Variants in PAPSS1 observed in about 807,000 individuals in gnomAD.
PAPSS1 encodes 3'-phosphoadenosine 5'-phosphosulfate synthase 1, also known as bifunctional 3'-phosphoadenosine 5'-phosphosulfate synthase 1.
In PAPSS1, 50 loss-of-function variants were observed where a neutral mutation model predicts 72.0. The observed-to-expected ratio is 0.69, with a 90% CI of 0.55 to 0.88. The LOEUF (loss-of-function observed/expected upper bound fraction) is 0.88, where lower values mean the gene tolerates loss of function less well. PAPSS1 is among the 40% of genes least tolerant of loss of function. PAPSS1 has a pLI of 0.00. For synonymous variants in PAPSS1, 261 were observed against 263.6 expected, an observed-to-expected ratio of 0.99 and a Z score of 0.09; for missense variants, 657 against 782.2, an observed-to-expected ratio of 0.84 and a Z score of 1.91.
In PAPSS1 at chr4:107,691,645, A is replaced by G. The variant is rs560711372; in HGVS notation, c.411+2126T>C. On this transcript the variant is annotated intron_variant, in intron 3 of 11. Transcript: ENST00000265174. The stretch of plus-strand genomic sequence containing the variant: ...TGGAGGCAGCATAGCATCTAAGCCC[A>G]GGAGACGCACTGTCTGGATGCAAAC... 9.8e-5 allele frequency among the ~76,000 whole-genome samples: 15 copies of G among 152,326 alleles called. 1 individual carries two copies. Among genetic ancestry groups the G allele is most frequent in the Admixed American group, 9.8e-4 (15 of 15,304 alleles).
At chr4:107,659,582 T>A (rs77000284) in intron 6 of PAPSS1, among the ~76,000 whole-genome samples, 1,541 of 151,950 alleles carry the variant, frequency 0.01, 29 homozygotes, top group African/African-American at 0.034. Context: ...ACAGAGAGAG[T>A]CAAGTTTTGG....
chr4:107,694,266 G>T (rs567908697), intron 2 of PAPSS1: 3 of 397,182 alleles, frequency 7.6e-6, no homozygotes, highest in Non-Finnish European at 1.4e-5. Flanking sequence ...AATATGTTGC[G>T]CCAGCTGGTC....
chr4:107,627,763 G>A (rs1328041241), intron 11 of PAPSS1, among the ~76,000 whole-genome samples: 2 of 151,664 alleles, frequency 1.3e-5, no homozygotes, highest in South Asian at 2.1e-4. Flanking sequence ...CATCCTTTTG[G>A]TAGAAAAGGT....
chr4:107,666,917 C>T (rs1443824166), intron 5 of PAPSS1, among the ~76,000 whole-genome samples: 1 of 152,110 alleles, frequency 6.6e-6, no homozygotes, highest in African/African-American at 2.4e-5. Context: ...GCACAGAGCT[C>T]CTAACACCCT....
chr4:107,640,893 G>A (rs576223218), intron 10 of PAPSS1, among the ~76,000 whole-genome samples: 1 of 152,274 alleles, frequency 6.6e-6, no homozygotes, highest in South Asian at 2.1e-4. Context: ...GCTTTAACGT[G>A]CCTCTTAGTC....
intron 5 of PAPSS1, among the ~76,000 whole-genome samples, chr4:107,675,606 C>T (rs1161328190): frequency 6.6e-6 from 1 of 152,150 alleles, no homozygotes; most frequent in Non-Finnish European, 1.5e-5. Flanking sequence ...ACCAGAGGTA[C>T]AAGGAGGAGC....
rs149672386 is a variant in PAPSS1 at position 107,693,906 on chromosome 4, A to G, written c.276T>C (p.Arg92=). Residue 92 remains arginine (R), a synonymous_variant, in exon 3 of 12, where the codon CGT becomes CGC. Coordinates refer to ENST00000265174, the MANE Select transcript of PAPSS1 (RefSeq NM_005443.5). The part of the protein sequence containing the change: ...PCYTLDGDNI[R]QGLNKNLGFS... Reference sequence around the variant, plus strand: ...AGCCAAGATTTTTATTGAGACCTTGACGAATATTGTCACCATCCAGAGTGT... The same window carrying G: ...AGCCAAGATTTTTATTGAGACCTTGGCGAATATTGTCACCATCCAGAGTGT... 1.2e-6 allele frequency: 2 copies of G among 1,613,820 alleles called. No individual in the cohort carries two copies. The highest frequency in any genetic ancestry group is 3.3e-5 in the Admixed American group (2 of 59,960).
chr4:107,684,622 A>G (rs1722725164), intron 4 of PAPSS1, among the ~76,000 whole-genome samples: 1 of 152,160 alleles, frequency 6.6e-6, no homozygotes, highest in African/African-American at 2.4e-5. Context: ...TCTTAACCTG[A>G]ACAATTCCCT....
At chr4:107,616,101 T>A (rs28436000) in intron 11 of PAPSS1, among the ~76,000 whole-genome samples, 35,488 of 149,562 alleles carry the variant, frequency 0.24, 4,734 homozygotes, top group Middle Eastern at 0.32. Context: ...AGAGAGAGAG[T>A]GTGTGTGCAC....
chr4:107,663,733 A>C (rs1238589724), intron 5 of PAPSS1, among the ~76,000 whole-genome samples: 2 of 152,216 alleles, frequency 1.3e-5, no homozygotes, highest in East Asian at 3.8e-4. Context: ...CTCTGCATGT[A>C]TCAACTCATA....
chr4:107,625,903 C>T (rs184127605), intron 11 of PAPSS1, among the ~76,000 whole-genome samples: 47 of 152,102 alleles, frequency 3.1e-4, no homozygotes, highest in South Asian at 8.3e-4. Context: ...TACTCTGGGC[C>T]GGGCGCGGTG....
intron 11 of PAPSS1, among the ~76,000 whole-genome samples, chr4:107,620,711 A>G (rs948953108): frequency 6.6e-6 from 1 of 152,174 alleles, no homozygotes; most frequent in African/African-American, 2.4e-5. Flanking sequence ...CTCCAGAACA[A>G]AGAATTATCT....
chr4:107,634,077 G>A (rs1157719839), intron 10 of PAPSS1, among the ~76,000 whole-genome samples: 2 of 152,022 alleles, frequency 1.3e-5, no homozygotes, highest in Non-Finnish European at 2.9e-5. Flanking sequence ...GAGTGCAGTG[G>A]TGCAAAAATG....
At chr4:107,661,781 A>AT (rs1333834232) in intron 5 of PAPSS1, among the ~76,000 whole-genome samples, 1 of 152,208 alleles carries the variant, frequency 6.6e-6, no homozygotes, top group African/African-American at 2.4e-5. Context: ...ACTTCAATTT[A>AT]TATTTGGTCT....
chr4:107,700,918 T>C (rs923180191), intron 2 of PAPSS1, among the ~76,000 whole-genome samples: 4 of 152,184 alleles, frequency 2.6e-5, no homozygotes, highest in African/African-American at 9.7e-5. Context: ...CAGAAGTGTG[T>C]AGAATTTAAT....
intron 11 of PAPSS1, among the ~76,000 whole-genome samples, chr4:107,615,805 G>C (rs1725805130): frequency 6.6e-6 from 1 of 152,134 alleles, no homozygotes; most frequent in African/African-American, 2.4e-5. Flanking sequence ...GGCCAAAAGG[G>C]TGGGCCCCCT....
At chr4:107,707,721 G>T (rs1036115133) in intron 1 of PAPSS1, among the ~76,000 whole-genome samples, 22 of 152,144 alleles carry the variant, frequency 1.4e-4, no homozygotes, top group African/African-American at 5.3e-4. Flanking sequence ...TCCAGGTGCG[G>T]TCATCTCTCA....
intron 1 of PAPSS1, among the ~76,000 whole-genome samples, chr4:107,701,612 C>T (rs775095485): frequency 1.4e-4 from 21 of 152,146 alleles, no homozygotes; most frequent in Non-Finnish European, 2.9e-4. Flanking sequence ...TCCTTTCACA[C>T]ATTCATTTAT....
At chr4:107,657,653 C>T (rs1430205616) in intron 6 of PAPSS1, among the ~76,000 whole-genome samples, 1 of 151,782 alleles carries the variant, frequency 6.6e-6, no homozygotes. Flanking sequence ...CCAGGAATCG[C>T]TTGAGCCCAG....
Sources: allele counts gnomAD v4.1 joint callset (sites outside exome capture counted in the v4.1 genomes callset), GRCh38; gene constraint gnomAD v4.1.1; transcripts MANE v1.5; gene names NCBI Gene and HGNC (gene_info 2026-07-23, HGNC 2026-07-21).